The following USP53 variants were observed in gnomAD, a reference collection of about 807,000 sequenced individuals.
The protein encoded by USP53 is ubiquitin carboxyl-terminal hydrolase 53.
A neutral mutation model predicts 94.9 loss-of-function variants in USP53; 71 were observed. The observed-to-expected ratio is 0.75, with a 90% CI of 0.62 to 0.91. The LOEUF (loss-of-function observed/expected upper bound fraction) is 0.91. Ranked by LOEUF, USP53 falls within the 40% of genes least tolerant of loss-of-function variation. USP53 has a pLI of 0.00. For missense variants in USP53, 1,173 were observed against 1,281.0 expected, an observed-to-expected ratio of 0.92 and a Z score of 1.29; for synonymous variants, 375 against 422.7, an observed-to-expected ratio of 0.89 and a Z score of 1.39.
rs754675460 is a variant in USP53 at position 119,245,433 on chromosome 4, A to G, written c.237+4A>G. 5.0e-6 allele frequency: 8 copies of G among 1,612,202 alleles called. No individual in the cohort carries two copies. In the Middle Eastern group the frequency reaches 8.3e-4, roughly 168 times the overall value. ...CTGTATATTTTGTGCATTGAAGGTA[A>G]CCTTTTAATAGCTCTGAAAAACTAC... is the stretch of plus-strand genomic sequence containing the variant. On this transcript the variant is annotated splice_donor_region_variant and intron_variant, in intron 6 of 18. Transcript: ENST00000692078.
chr4:119,283,934 G>A (rs528850494), intron 17 of USP53, among the ~76,000 whole-genome samples: 14 of 151,954 alleles, frequency 9.2e-5, no homozygotes, highest in African/African-American at 2.9e-4. Context: ...ATTGGAGATC[G>A]AAGGGCAAGA....
intron 17 of USP53, among the ~76,000 whole-genome samples, chr4:119,290,648 C>A (rs893950893): frequency 6.6e-6 from 1 of 152,102 alleles, no homozygotes; most frequent in East Asian, 1.9e-4. Context: ...ATAATAACCT[C>A]CTACCAATTT....
At chr4:119,263,029 GGTT>G in intron 12 of USP53, among the ~76,000 whole-genome samples, 1 of 152,152 alleles carries the variant, frequency 6.6e-6, no homozygotes, top group South Asian at 2.1e-4. Context: ...CAAGTTCTTT[GGTT>G]GTTATAAGCA....
In USP53 at chr4:119,255,569, G is replaced by T. The variant is rs944597993; in HGVS notation, c.373-677G>T. On this transcript the variant is annotated intron_variant, in intron 7 of 18. Transcript: ENST00000692078. Reference sequence around the variant, plus strand: ...ACCCGCTGAGCCAGGCACGGGAGGGGAACTCCTGGTCTGCTGGTTGGTAAG... The same window carrying T: ...ACCCGCTGAGCCAGGCACGGGAGGGTAACTCCTGGTCTGCTGGTTGGTAAG... Among the ~76,000 whole-genome samples the T allele has an allele frequency of 5.7e-4, 87 of 152,320 alleles. 1 individual carries two copies. Among genetic ancestry groups the T allele is most frequent in the Non-Finnish European group, 1.8e-4 (12 of 68,032 alleles).
At chr4:119,220,014 T>G (rs1288203529) in intron 3 of USP53, 1 of 152,200 alleles carries the variant, frequency 6.6e-6, no homozygotes, top group Non-Finnish European at 1.5e-5. Flanking sequence ...TATTAATAAC[T>G]GATATTAAGC....
chr4:119,252,455 G>A (rs1030197612), intron 7 of USP53, among the ~76,000 whole-genome samples: 1 of 152,150 alleles, frequency 6.6e-6, no homozygotes, highest in Non-Finnish European at 1.5e-5. Flanking sequence ...TTCTGGTTTA[G>A]TCTTGGGAGG....
chr4:119,254,121 C>T (rs753143896), intron 7 of USP53, among the ~76,000 whole-genome samples: 1 of 152,140 alleles, frequency 6.6e-6, no homozygotes. Context: ...TTGTGGGTAA[C>T]CTGACCTTCC....
chr4:119,291,166 C>CTT lies in USP53; in HGVS notation c.2255_2256dup (p.Arg753LeufsTer25). ...TCTCCCCACCCCACCCAACCCTAGGCTTTAGAAAAGAACTCAGGAATTTGG... is the reference window on the plus strand; with the variant it reads ...TCTCCCCACCCCACCCAACCCTAGGCTTTTTAGAAAAGAACTCAGGAATTTGG... On this transcript the variant is annotated frameshift_variant and splice_region_variant, in exon 18 of 19. Transcript: ENST00000692078. LOFTEE classifies it high-confidence loss of function. 1.1e-6 allele frequency: 1 copy of CTT among 935,388 alleles called. No homozygotes were observed. The highest frequency in any genetic ancestry group is 1.5e-6 in the Non-Finnish European group (1 of 648,052). The allele number at this position is 935,388 out of a possible 1,614,324, so 57.9% of individuals were successfully genotyped here. A position where few individuals can be genotyped will look rare whatever the true frequency, so the allele number is the denominator to read the frequency against.
intron 17 of USP53, among the ~76,000 whole-genome samples, chr4:119,282,150 A>C (rs914192240): frequency 2.0e-5 from 3 of 152,074 alleles, no homozygotes; most frequent in Admixed American, 1.3e-4. Flanking sequence ...TCAGAATCTC[A>C]TTCCTTTTTA....
At chr4:119,291,092 G>T in intron 17 of USP53, 73 bp from the exon 18 acceptor site, 1 of 724,754 alleles carries the variant, frequency 1.4e-6, no homozygotes, top group East Asian at 3.1e-5. Flanking sequence ...AAGTATAAAT[G>T]AAATAAATTC....
At chr4:119,271,188 T>C (rs938380280) in intron 15 of USP53, 108 bp from the exon 16 acceptor site, 1 of 1,458,752 alleles carries the variant, frequency 6.9e-7, no homozygotes, top group Non-Finnish European at 9.0e-7. Flanking sequence ...TTGTAATTAC[T>C]ATTTACCTAA....
intron 12 of USP53, chr4:119,266,186 T>G: frequency 2.3e-6 from 1 of 440,072 alleles, no homozygotes; most frequent in Non-Finnish European, 4.6e-6. Flanking sequence ...TCATTCATGT[T>G]GTTTGGATTC....
intron 2 of USP53, among the ~76,000 whole-genome samples, chr4:119,217,157 C>T (rs578224193): frequency 1.7e-4 from 26 of 152,178 alleles, no homozygotes; most frequent in Non-Finnish European, 3.4e-4. Context: ...GTATGGATTC[C>T]ATCCTTGTCA....
intron 9 of USP53, among the ~76,000 whole-genome samples, chr4:119,259,142 G>A (rs970301917): frequency 1.3e-5 from 2 of 152,034 alleles, no homozygotes; most frequent in South Asian, 2.1e-4. Context: ...TTAGCCAGAT[G>A]TGGTGGCACG....
intron 5 of USP53, among the ~76,000 whole-genome samples, chr4:119,243,571 G>A (rs896428214): frequency 3.3e-5 from 5 of 152,080 alleles, no homozygotes; most frequent in African/African-American, 7.2e-5. Flanking sequence ...TTGTGATAGC[G>A]ATTTGTTAAA....
intron 1 of USP53, among the ~76,000 whole-genome samples, chr4:119,213,660 A>ATATATATATATATATATATATATATATG: frequency 5.1e-5 from 6 of 117,776 alleles, no homozygotes; most frequent in African/African-American, 2.2e-4. Context: ...ATATATATAT[A>ATATATATATATATATATATATATATATG]TGTGTGTGTG....
At chr4:119,249,942 G>A (rs549139689) in intron 7 of USP53, among the ~76,000 whole-genome samples, 1 of 152,196 alleles carries the variant, frequency 6.6e-6, no homozygotes, top group South Asian at 2.1e-4. Context: ...GGGATTACAG[G>A]CGTGAGCCAC....
rs1755112602 is a variant in USP53, at chr4:119,294,875, TA to T, written c.*1666del. 6.6e-6 allele frequency: 1 copy of T among 152,168 alleles called. No individual in the cohort carries two copies. The highest frequency in any genetic ancestry group is 2.1e-4 in the South Asian group (1 of 4,838). 9.4% of individuals were successfully genotyped at this position (152,168 alleles called of 1,614,324 possible). On this transcript the variant is annotated 3_prime_UTR_variant, in exon 19 of 19. Transcript: ENST00000692078. ...CTTGAATGCCAAATTAATTTTGTTT[TA>T]AGAAAGCTTATTTTTAACATAATTT...
intron 1 of USP53, among the ~76,000 whole-genome samples, chr4:119,213,820 A>G (rs1743307744): frequency 6.6e-6 from 1 of 151,680 alleles, no homozygotes; most frequent in South Asian, 2.1e-4. Flanking sequence ...CAGTGAGCCG[A>G]GATCGCGCCA....
Sources: gnomAD v4.1 joint callset for allele counts (sites outside exome capture counted in the v4.1 genomes callset) on GRCh38, gnomAD v4.1.1 for gene constraint, MANE v1.5 for transcripts, NCBI Gene and HGNC (gene_info 2026-07-23, HGNC 2026-07-21) for gene names.